Variants in SCNN1A observed in about 807,000 individuals in gnomAD.
SCNN1A encodes epithelial sodium channel subunit alpha.
SCNN1A carries 65 observed loss-of-function variants against 68.6 expected under a neutral mutation model. The ratio of observed to expected loss-of-function variants is 0.95; its 90% CI spans 0.78 to 1.16. The LOEUF (loss-of-function observed/expected upper bound fraction) is 1.16, where lower values mean the gene tolerates loss of function less well. Among genes scored for constraint, SCNN1A ranks in the 50% most tolerant of loss-of-function variants. The pLI, the probability that SCNN1A is intolerant of heterozygous loss-of-function variation, is 0.00. For synonymous variants in SCNN1A, 357 were observed against 353.3 expected (o/e 1.01, Z -0.12); for missense variants, 880 against 865.9 (o/e 1.02, Z -0.20).
In SCNN1A at chr12:6,355,839, T is replaced by A. The variant is rs774936628; in HGVS notation, c.917A>T (p.Tyr306Phe). The A allele has an allele frequency of 6.2e-7, 1 of 1,613,646 alleles. No homozygotes were observed. Residue 306 changes from tyrosine to phenylalanine, a missense_variant, in exon 5 of 13, where the codon TAT (tyrosine) becomes TTT (phenylalanine). This residue lies in a region of SCNN1A where 758 missense variants were observed against 721.8 expected (regional missense o/e 1.05). Transcript: ENST00000228916. ...HFHHPMYGNCYTFNDKNNSNL... is the reference protein window; with the variant it reads ...HFHHPMYGNCFTFNDKNNSNL... ...GGAGTTGTTCTTGTCATTGAAAGTATAGCAGTTTCCATACATCGGGTGGTG... is the reference window on the plus strand; with the variant it reads ...GGAGTTGTTCTTGTCATTGAAAGTAAAGCAGTTTCCATACATCGGGTGGTG...
At chr12:6,371,529 G>T (rs1400545071) in intron 2 of SCNN1A, among the ~76,000 whole-genome samples, 1 of 133,490 alleles carries the variant, frequency 7.5e-6, no homozygotes, top group Non-Finnish European at 1.6e-5. Context: ...GTGGCGGGGG[G>T]GCGGGGGGTG....
chr12:6,371,469 G>A (rs896163826), intron 2 of SCNN1A, among the ~76,000 whole-genome samples: 2 of 149,412 alleles, frequency 1.3e-5, no homozygotes, highest in Non-Finnish European at 3.0e-5. Flanking sequence ...AAACACACTA[G>A]GTTTGTGACT....
At chr12:6,353,416 C>T (rs922447716) in intron 8 of SCNN1A, among the ~76,000 whole-genome samples, 4 of 151,988 alleles carry the variant, frequency 2.6e-5, no homozygotes, top group African/African-American at 9.7e-5. Flanking sequence ...GTGTACCCCA[C>T]CCAGCCCCTC....
intron 2 of SCNN1A, among the ~76,000 whole-genome samples, chr12:6,367,299 G>A (rs1240644337): frequency 3.3e-5 from 5 of 152,208 alleles, no homozygotes; most frequent in African/African-American, 4.8e-5. Flanking sequence ...TATGAGCCAG[G>A]AACTATGGTA....
At chr12:6,376,690 G>A (rs780122221), upstream of SCNN1A, among the ~76,000 whole-genome samples, 11 of 152,178 alleles carry the variant, frequency 7.2e-5, no homozygotes, top group Non-Finnish European at 1.3e-4. Context: ...CAGAGAATCA[G>A]ACCCAAAAAG....
intron 3 of SCNN1A, 109 bp downstream of exon 3, chr12:6,363,334 G>T: frequency 2.3e-6 from 2 of 876,982 alleles, no homozygotes; most frequent in Non-Finnish European, 3.2e-6. Context: ...GGCCCCGCGT[G>T]GTGTCACTGG....
chr12:6,348,861 C>T (rs1454949770), intron 11 of SCNN1A, 59 bp from the exon 12 acceptor site: 2 of 1,602,506 alleles, frequency 1.2e-6, no homozygotes, highest in East Asian at 2.2e-5. Flanking sequence ...CTGGACCTTC[C>T]TCTAATCAAC....
chr12:6,369,894 T>C (rs763417579), intron 2 of SCNN1A, among the ~76,000 whole-genome samples: 177 of 150,610 alleles, frequency 1.2e-3, no homozygotes, highest in Non-Finnish European at 1.1e-3. Context: ...GAAATTCCTA[T>C]AGCAGGAGGC....
Position 6,372,760 on chromosome 12 carries a change from G to T in SCNN1A, c.416+1608C>A, listed in dbSNP as rs1948816899. ...GTGAAGATGTCTGCAGGCAGCAGGGGGAGAAAAATGAGGCTAAGAGGAAGG... is the reference window on the plus strand; with the variant it reads ...GTGAAGATGTCTGCAGGCAGCAGGGTGAGAAAAATGAGGCTAAGAGGAAGG... On this transcript the variant is annotated intron_variant, in intron 2 of 12. Transcript: ENST00000228916. The surrounding 1 kb of genome is among the most constrained non-coding windows in gnomAD (Gnocchi z 5.8). 6.6e-6 allele frequency among the ~76,000 whole-genome samples: 1 copy of T among 152,208 alleles called. No homozygotes were observed. Among genetic ancestry groups the T allele is most frequent in the Admixed American group, 6.5e-5 (1 of 15,278 alleles).
intron 3 of SCNN1A, among the ~76,000 whole-genome samples, chr12:6,363,067 T>A (rs903904022): frequency 6.9e-6 from 1 of 144,942 alleles, no homozygotes; most frequent in African/African-American, 2.6e-5. Flanking sequence ...CCTAACTGAG[T>A]CCCACTAGTG....
At chr12:6,375,940 G>A (rs1948900527), upstream of SCNN1A, 4 of 1,084,468 alleles carry the variant, frequency 3.7e-6, no homozygotes, top group Non-Finnish European at 4.5e-6. Flanking sequence ...AGGGATGGAG[G>A]AGGGGCACTG....
chr12:6,367,938 TG>T (rs575705788), intron 2 of SCNN1A, among the ~76,000 whole-genome samples: 42 of 152,340 alleles, frequency 2.8e-4, no homozygotes, highest in African/African-American at 1.0e-3. Context: ...TCTAGCTGGC[TG>T]GGCCTTAGGC....
chr12:6,375,610 G>A (rs1450672573), upstream of SCNN1A: 2 of 1,053,186 alleles, frequency 1.9e-6, no homozygotes, highest in South Asian at 1.3e-5. Context: ...CAGGGCGGGG[G>A]GAGGGGCTGA....
intron 2 of SCNN1A, among the ~76,000 whole-genome samples, chr12:6,365,572 G>A (rs1948662251): frequency 6.6e-6 from 1 of 152,102 alleles, no homozygotes; most frequent in Non-Finnish European, 1.5e-5. Context: ...CTGATTTTTG[G>A]CCAAAACACC....
chr12:6,367,542 A>G (rs770229785), intron 2 of SCNN1A, among the ~76,000 whole-genome samples: 5 of 152,246 alleles, frequency 3.3e-5, no homozygotes, highest in Non-Finnish European at 2.9e-5. Flanking sequence ...TACATACTGT[A>G]TGATCCCATT....
upstream of SCNN1A, chr12:6,377,110 G>A: frequency 1.6e-6 from 1 of 624,772 alleles, no homozygotes; most frequent in Non-Finnish European, 2.8e-6. Context: ...AAGGAGTTTA[G>A]CAGGCAAAGA....
rs575745976 is a variant in SCNN1A, at chr12:6,360,275, C to T, written c.875+1776G>A. 5.3e-5 allele frequency among the ~76,000 whole-genome samples: 8 copies of T among 152,230 alleles called. No individual in the cohort carries two copies. In the South Asian group the frequency reaches 8.3e-4, roughly 16 times the overall value. ...CAATGAGGCTCTGAGCTGACCTAAGCGCCTAAGTGCCAAGATAAAGATGAA... is the reference window on the plus strand; with the variant it reads ...CAATGAGGCTCTGAGCTGACCTAAGTGCCTAAGTGCCAAGATAAAGATGAA... On this transcript the variant is annotated intron_variant, in intron 4 of 12. Coordinates refer to ENST00000228916, the MANE Select transcript of SCNN1A (RefSeq NM_001038.6).
At chr12:6,360,339 G>A (rs1948562491) in intron 4 of SCNN1A, among the ~76,000 whole-genome samples, 1 of 152,132 alleles carries the variant, frequency 6.6e-6, no homozygotes, top group South Asian at 2.1e-4. Context: ...GGCACACAGA[G>A]CAAAGGGAGG....
upstream of SCNN1A, chr12:6,377,310 C>G: frequency 5.3e-6 from 8 of 1,519,516 alleles, no homozygotes; most frequent in Non-Finnish European, 7.2e-6. Flanking sequence ...TCTTCATTGT[C>G]CTAATGAAGA....
Sources: gnomAD v4.1 joint callset for allele counts (sites outside exome capture counted in the v4.1 genomes callset) on GRCh38, gnomAD v4.1.1 for gene constraint, gnomAD v4.1.1 regional missense constraint, Gnocchi (gnomAD v3.1) non-coding constraint, MANE v1.5 for transcripts, NCBI Gene and HGNC (gene_info 2026-07-23, HGNC 2026-07-21) for gene names.